The following GIN1 variants were observed in gnomAD, a reference collection of about 807,000 sequenced individuals.
GIN1 encodes gypsy retrotransposon integrase 1.
In GIN1, 41 loss-of-function variants were observed where a neutral mutation model predicts 51.4. The ratio of observed to expected loss-of-function variants is 0.80; its 90% CI spans 0.62 to 1.04. The LOEUF is 1.04. Ranked by LOEUF, GIN1 falls within the 50% of genes least tolerant of loss-of-function variation. The pLI is 0.00. For synonymous variants in GIN1, 222 were observed against 206.5 expected (o/e 1.07, Z -0.64); for missense variants, 610 against 612.4 (o/e 1.00, Z 0.04).
At chr5:103,095,645 G>C (rs782000207) in intron 7 of GIN1, among the ~76,000 whole-genome samples, 7 of 152,230 alleles carry the variant, frequency 4.6e-5, no homozygotes, top group Non-Finnish European at 1.0e-4. Flanking sequence ...TGTAAGGCCA[G>C]GTGCAATGGC....
intron 1 of GIN1, among the ~76,000 whole-genome samples, chr5:103,116,727 C>T (rs1018978420): frequency 1.1e-4 from 17 of 151,906 alleles, no homozygotes; most frequent in South Asian, 6.2e-4. Flanking sequence ...AAAGAACTCT[C>T]GAAGCTTAAC....
intron 4 of GIN1, among the ~76,000 whole-genome samples, chr5:103,103,246 T>C (rs1214170136): frequency 2.0e-5 from 3 of 152,258 alleles, no homozygotes; most frequent in African/African-American, 7.2e-5. Flanking sequence ...AGCTTCCTTA[T>C]GTTGTCACAA....
intron 4 of GIN1, among the ~76,000 whole-genome samples, chr5:103,101,506 A>G (rs1308800932): frequency 6.6e-6 from 1 of 152,228 alleles, no homozygotes; most frequent in Non-Finnish European, 1.5e-5. Flanking sequence ...CATCTCATTG[A>G]TGTGTCTAAC....
rs1279571058 is a variant in GIN1 at position 103,106,927 on chromosome 5, A to G, written c.140-18T>C. Reference sequence around the variant, plus strand: ...CTTTTTTTCTGGAATAAATGATACCAAAAGATAGAATTGCAATTTTTAGAG... The same window carrying G: ...CTTTTTTTCTGGAATAAATGATACCGAAAGATAGAATTGCAATTTTTAGAG... On this transcript the variant is annotated intron_variant, in intron 2 of 7. Coordinates refer to ENST00000399004, the MANE Select transcript of GIN1 (RefSeq NM_017676.2). 4.3e-6 allele frequency: 6 copies of G among 1,394,806 alleles called. No homozygotes were observed. The East Asian group carries it at 1.2e-4, about 28-fold the overall frequency. 86.4% of individuals were successfully genotyped at this position (1,394,806 alleles called of 1,614,324 possible). A position where few individuals can be genotyped will look rare whatever the true frequency, so the allele number is the denominator to read the frequency against.
chr5:103,105,016 A>G (rs1451060840), intron 3 of GIN1, among the ~76,000 whole-genome samples, 170 bp from the exon 4 acceptor site: 11 of 152,234 alleles, frequency 7.2e-5, no homozygotes, highest in African/African-American at 2.4e-4. Flanking sequence ...AGAATAACAA[A>G]CAAATAAAAC....
chr5:103,093,408 T>C (rs1397391696), intron 7 of GIN1, among the ~76,000 whole-genome samples: 1 of 152,094 alleles, frequency 6.6e-6, no homozygotes, highest in Non-Finnish European at 1.5e-5. Context: ...GAAATGAAGG[T>C]AACCTCTAGA....
intron 4 of GIN1, among the ~76,000 whole-genome samples, chr5:103,103,170 A>C (rs1222360162): frequency 2.0e-5 from 3 of 152,162 alleles, no homozygotes; most frequent in African/African-American, 7.2e-5. Flanking sequence ...ATTTTTGTAC[A>C]TGCCAGGTAG....
chr5:103,089,798 C>T (rs1787185662), intron 7 of GIN1, among the ~76,000 whole-genome samples: 1 of 152,112 alleles, frequency 6.6e-6, no homozygotes, highest in African/African-American at 2.4e-5. Context: ...ACTGTACTCA[C>T]CCTCATAACA....
intron 2 of GIN1, 23 bp downstream of exon 2, chr5:103,108,546 C>T (rs782529005): frequency 6.6e-7 from 1 of 1,524,934 alleles, no homozygotes; most frequent in African/African-American, 1.4e-5. Flanking sequence ...ACTCAATAAT[C>T]AAAATTTGAA....
intron 4 of GIN1, among the ~76,000 whole-genome samples, chr5:103,103,206 G>A (rs782606287): frequency 6.6e-6 from 1 of 152,154 alleles, no homozygotes; most frequent in Non-Finnish European, 1.5e-5. Flanking sequence ...CCAGCGCCCA[G>A]TAAAAACCCT....
Position 103,104,821 on chromosome 5 carries a change from A to G in GIN1, c.359T>C (p.Val120Ala). The change falls in exon 4 of 8, where the codon GTG becomes GCG. Residue 120 changes from valine to alanine, a missense_variant. By Grantham distance (64) the Val-to-Ala change is moderately conservative (BLOSUM62 0). Coordinates refer to ENST00000399004, the MANE Select transcript of GIN1 (RefSeq NM_017676.2). ...TGCTACAATAACTGTATTTTTTGCC[A>G]CTTGGCAATGCTGACAAGCATATAC... ...QWVYACQHCQ[V>A]AKNTVIVAPK... 3.1e-6 allele frequency: 5 copies of G among 1,606,586 alleles called. No individual in the cohort carries two copies. The highest frequency in any genetic ancestry group is 4.3e-6 in the Non-Finnish European group (5 of 1,175,382).
intron 4 of GIN1, among the ~76,000 whole-genome samples, chr5:103,101,451 T>C (rs1787572919): frequency 6.6e-6 from 1 of 152,206 alleles, no homozygotes; most frequent in Non-Finnish European, 1.5e-5. Context: ...CCTCAGAAAG[T>C]AAAACTGCAG....
chr5:103,089,481 T>C (rs549632507), intron 7 of GIN1, among the ~76,000 whole-genome samples: 3 of 152,046 alleles, frequency 2.0e-5, no homozygotes, highest in Admixed American at 6.6e-5. Flanking sequence ...CATTCATTCA[T>C]GGTCTTGCTC....
At chr5:103,112,983 T>C (rs1440552549) in intron 1 of GIN1, among the ~76,000 whole-genome samples, 2 of 151,874 alleles carry the variant, frequency 1.3e-5, no homozygotes, top group African/African-American at 4.8e-5. Flanking sequence ...ATGCAAAGAG[T>C]ACTATCAAAA....
chr5:103,112,349 C>T (rs1240832226), intron 1 of GIN1, among the ~76,000 whole-genome samples: 1 of 152,166 alleles, frequency 6.6e-6, no homozygotes, highest in Non-Finnish European at 1.5e-5. Flanking sequence ...AGTTATTTGA[C>T]ATAGTCACCT....
rs1189461090 is a variant in GIN1, at chr5:103,086,668, TTCTC to T, written c.*1226_*1229del. On this transcript the variant is annotated 3_prime_UTR_variant, in exon 8 of 8. Coordinates refer to ENST00000399004, the MANE Select transcript of GIN1 (RefSeq NM_017676.2). ...CACAAATTTCCTATGTAAAAACAAC[TTCTC>T]TCTTTTTGCCTCCCTAAGTACATTA... The T allele has an allele frequency of 2.6e-5, 4 of 152,170 alleles. No homozygotes were observed. Among genetic ancestry groups the T allele is most frequent in the African/African-American group, 9.7e-5 (4 of 41,446 alleles). 9.4% of individuals were successfully genotyped at this position (152,170 alleles called of 1,614,324 possible). A position where few individuals can be genotyped will look rare whatever the true frequency, so the allele number is the denominator to read the frequency against.
intron 7 of GIN1, 32 bp from the exon 8 acceptor site, chr5:103,088,204 T>C (rs2151459053): frequency 7.8e-7 from 1 of 1,289,554 alleles, no homozygotes; most frequent in East Asian, 2.5e-5. Context: ...ATTTGACTTT[T>C]AGAATTATAA....
At position 103,106,766 on chromosome 5, in the gene GIN1, C is replaced by T. The variant is rs200761977; in HGVS notation, c.283G>A (p.Val95Ile). The change falls in exon 3 of 8, where the codon GTA (valine) becomes ATA (isoleucine). Residue 95 changes from valine to isoleucine, a missense_variant. Coordinates refer to ENST00000399004, the MANE Select transcript of GIN1 (RefSeq NM_017676.2). The stretch of plus-strand genomic sequence containing the variant: ...GATGTCCAATAATAATTGGATTCTA[C>T]CAGAGTGAGGGTCCTGGATATACCA... ...HHGISRTLTL[V>I]ESNYYWTSVT... is the part of the protein sequence containing the mutation. 1 of 1,603,520 alleles carries T rather than the reference C, an allele frequency of 6.2e-7. No individual in the cohort carries two copies. Among genetic ancestry groups the T allele is most frequent in the African/African-American group, 1.3e-5 (1 of 74,422 alleles).
At chr5:103,110,657 C>A (rs1362405837) in intron 1 of GIN1, among the ~76,000 whole-genome samples, 1 of 152,088 alleles carries the variant, frequency 6.6e-6, no homozygotes, top group African/African-American at 2.4e-5. Context: ...AATGTTGCAA[C>A]CACCTAGGAA....
Sources: gnomAD v4.1 joint callset for allele counts (sites outside exome capture counted in the v4.1 genomes callset) on GRCh38, gnomAD v4.1.1 for gene constraint, MANE v1.5 for transcripts, NCBI Gene and HGNC (gene_info 2026-07-23, HGNC 2026-07-21) for gene names.